Variants in KALRN observed in about 807,000 individuals in gnomAD.
The protein encoded by KALRN is kalirin.
Under a neutral mutation model 353.7 loss-of-function variants are expected in KALRN, and 70 were observed. That is an observed-to-expected ratio of 0.20 (90% confidence interval 0.16 to 0.24). The LOEUF (loss-of-function observed/expected upper bound fraction) is 0.24. KALRN is among the 10% of genes least tolerant of loss of function. KALRN has a pLI of 1.00. For missense variants in KALRN, 2,791 were observed against 3,756.7 expected (o/e 0.74, Z 6.72); for synonymous variants, 1,391 against 1,434.8 (o/e 0.97, Z 0.69).
chr3:124,646,640 C>G (rs1295878176), intron 37 of KALRN, among the ~76,000 whole-genome samples: 2 of 151,570 alleles, frequency 1.3e-5, no homozygotes, highest in Admixed American at 1.3e-4. Context: ...ATCTGCCCCC[C>G]TCGGCCTCCC....
intron 1 of KALRN, among the ~76,000 whole-genome samples, chr3:124,165,434 A>C (rs1186644517): frequency 6.6e-6 from 1 of 151,892 alleles, no homozygotes; most frequent in Admixed American, 6.5e-5. Flanking sequence ...GACAAGATTG[A>C]GAACAAATTA....
intron 34 of KALRN, among the ~76,000 whole-genome samples, chr3:124,571,646 A>T (rs1183464686): frequency 1.3e-5 from 2 of 151,974 alleles, no homozygotes; most frequent in Non-Finnish European, 2.9e-5. Context: ...TACCTTTGTT[A>T]ATTTAAAGGG....
intron 1 of KALRN, among the ~76,000 whole-genome samples, chr3:124,072,179 G>A (rs1231665286): frequency 6.6e-6 from 1 of 152,132 alleles, no homozygotes; most frequent in Non-Finnish European, 1.5e-5. Context: ...TTAAGTAGTG[G>A]ATATCAATTT....
chr3:124,085,878 G>A (rs1352744014), intron 1 of KALRN, among the ~76,000 whole-genome samples: 1 of 152,180 alleles, frequency 6.6e-6, no homozygotes, highest in Non-Finnish European at 1.5e-5. Context: ...TCTAGGCATA[G>A]TGAAATACAT....
rs115427951 is a variant in KALRN at position 124,149,717 on chromosome 3, A to G, written c.74-78273A>G. On this transcript the variant is annotated intron_variant, in intron 1 of 59. Transcript: ENST00000682506. ...CCTTCTCTATTTTCATTGTAAGGTG[A>G]GTATGAGATTCAGATGCTATTGGTA... 6.9e-3 allele frequency among the ~76,000 whole-genome samples: 1,050 copies of G among 152,332 alleles called. 12 individuals are homozygous for G. The highest frequency in any genetic ancestry group is 0.024 in the African/African-American group (996 of 41,582).
At chr3:124,437,199 A>G (rs1028819713) in intron 17 of KALRN, among the ~76,000 whole-genome samples, 1 of 150,118 alleles carries the variant, frequency 6.7e-6, no homozygotes, top group East Asian at 2.0e-4. Context: ...AGATGGGACT[A>G]GAGAAGTCAC....
At chr3:124,138,778 G>T (rs544781346) in intron 1 of KALRN, among the ~76,000 whole-genome samples, 1 of 152,248 alleles carries the variant, frequency 6.6e-6, no homozygotes, top group African/African-American at 2.4e-5. Flanking sequence ...GAGTACAGAG[G>T]GGGTAACTCC....
chr3:124,209,492 C>CAAAAAAAAAAAAAAAAAA (rs5852396), intron 1 of KALRN, among the ~76,000 whole-genome samples: 1 of 70,054 alleles, frequency 1.4e-5, no homozygotes, highest in African/African-American at 6.0e-5. Flanking sequence ...CACTCTGTCT[C>CAAAAAAAAAAAAAAAAAA]AAAAAAAAAA....
intron 10 of KALRN, among the ~76,000 whole-genome samples, chr3:124,380,291 G>C (rs576196896): frequency 1.3e-5 from 2 of 152,330 alleles, no homozygotes; most frequent in South Asian, 4.1e-4. Context: ...AGAATGTTCT[G>C]TTTCTTCCCT....
chr3:124,674,649 A>G (rs1383173542), intron 49 of KALRN, 35 bp downstream of exon 49: 8 of 1,510,126 alleles, frequency 5.3e-6, no homozygotes, highest in Non-Finnish European at 7.1e-6. Context: ...GGAGAGGAGT[A>G]TGAGGATTAA....
In KALRN at chr3:124,342,230, T is replaced by C. The variant is rs185725325; in HGVS notation, c.1648-4913T>C. Among the ~76,000 whole-genome samples, 242 of 152,224 alleles carry C rather than the reference T, an allele frequency of 1.6e-3. 2 individuals carry two copies. The highest frequency in any genetic ancestry group is 5.3e-3 in the African/African-American group (221 of 41,510). ...AATTTTGTTATATACGTAGATTGCG[T>C]AGTGGTAAAGTCAGAGCTTTTAGGA... is the stretch of plus-strand genomic sequence containing the variant. On this transcript the variant is annotated intron_variant, in intron 9 of 59. Coordinates refer to ENST00000682506, the MANE Select transcript of KALRN (RefSeq NM_001388419.1).
chr3:124,209,787 C>T (rs2076748540), intron 1 of KALRN, among the ~76,000 whole-genome samples: 1 of 152,190 alleles, frequency 6.6e-6, no homozygotes, highest in Admixed American at 6.5e-5. Flanking sequence ...CTGGCTATGC[C>T]ACCTTGGGCA....
At chr3:124,308,360 C>A (rs1044365209) in intron 6 of KALRN, among the ~76,000 whole-genome samples, 1 of 151,886 alleles carries the variant, frequency 6.6e-6, no homozygotes, top group African/African-American at 2.4e-5. Flanking sequence ...CCAACAATAG[C>A]AGACTATATA....
At chr3:124,093,749 C>A (rs1429456414) in intron 1 of KALRN, among the ~76,000 whole-genome samples, 1 of 151,864 alleles carries the variant, frequency 6.6e-6, no homozygotes, top group South Asian at 2.1e-4. Context: ...GAGTCATATA[C>A]AAAGGAGAAG....
chr3:124,450,583 A>G (rs901205826), intron 21 of KALRN, among the ~76,000 whole-genome samples: 3 of 145,482 alleles, frequency 2.1e-5, no homozygotes, highest in Non-Finnish European at 4.5e-5. Context: ...TTTTTTTGAG[A>G]TGGAGTTTCA....
At chr3:124,085,155 G>T (rs1039749092) in intron 1 of KALRN, among the ~76,000 whole-genome samples, 1 of 152,224 alleles carries the variant, frequency 6.6e-6, no homozygotes, top group Non-Finnish European at 1.5e-5. Context: ...TACAAGGGCA[G>T]GGATGGCTGA....
chr3:124,709,839 C>G (rs897569347), intron 57 of KALRN, among the ~76,000 whole-genome samples: 1 of 152,148 alleles, frequency 6.6e-6, no homozygotes, highest in Non-Finnish European at 1.5e-5. Context: ...GAGTGCCCAA[C>G]CTAATGGATG....
intron 6 of KALRN, among the ~76,000 whole-genome samples, chr3:124,314,405 C>T (rs901656203): frequency 1.3e-5 from 2 of 150,922 alleles, no homozygotes; most frequent in South Asian, 2.1e-4. Flanking sequence ...ATGTAAAGGA[C>T]GAGTTAATGG....
Position 124,524,931 on chromosome 3 carries a change from C to G in KALRN, c.4935+28518C>G, listed in dbSNP as rs187411864. Among the ~76,000 whole-genome samples the G allele has an allele frequency of 3.3e-5, 5 of 152,376 alleles. No homozygotes were observed. In the East Asian group the frequency reaches 9.6e-4, roughly 29 times the overall value. The stretch of plus-strand genomic sequence containing the variant: ...ACCTGAAGGTGTAGCACCTTTCACA[C>G]TCTCAGCAGCTTAGAGGGGCTCAGC... On this transcript the variant is annotated intron_variant, in intron 33 of 59. Transcript: ENST00000682506.
Sources: gnomAD v4.1 joint callset for allele counts (sites outside exome capture counted in the v4.1 genomes callset) on GRCh38, gnomAD v4.1.1 for gene constraint, MANE v1.5 for transcripts, NCBI Gene and HGNC (gene_info 2026-07-23, HGNC 2026-07-21) for gene names.